Variants in FOXP1 observed in about 807,000 individuals in gnomAD.
FOXP1 encodes the protein forkhead box P1, also known as forkhead box protein P1.
In FOXP1, 15 loss-of-function variants were observed where a neutral mutation model predicts 98.2. The observed-to-expected ratio is 0.15, with a 90% CI of 0.10 to 0.24. FOXP1 has a LOEUF of 0.24. FOXP1 is among the 10% of genes least tolerant of loss of function. FOXP1 has a pLI of 1.00. For synonymous variants in FOXP1, 371 were observed against 314.5 expected, an observed-to-expected ratio of 1.18 and a Z score of -1.90; for missense variants, 633 against 848.5, an observed-to-expected ratio of 0.75 and a Z score of 3.15.
chr3:71,537,819 G>A (rs2044430248), intron 2 of FOXP1, among the ~76,000 whole-genome samples: 1 of 152,204 alleles, frequency 6.6e-6, no homozygotes, highest in South Asian at 2.1e-4. Flanking sequence ...CTTTTTACAG[G>A]CCATGAGCTG....
rs375443995 is a variant in FOXP1 at position 71,072,276 on chromosome 3, G to A, written c.283-18503C>T. On this transcript the variant is annotated intron_variant, in intron 7 of 20. Transcript: ENST00000649528. ...TGAGGTTGCAGTGAGCCCTGATCAC[G>A]TCATTGCACTGTACTCCACAGCCTG... Among the ~76,000 whole-genome samples the A allele has an allele frequency of 2.6e-5, 4 of 152,260 alleles. No individual in the cohort carries two copies. The East Asian group carries it at 5.8e-4, about 22-fold the overall frequency.
At chr3:71,466,120 G>A (rs973331750) in intron 3 of FOXP1, among the ~76,000 whole-genome samples, 1 of 152,178 alleles carries the variant, frequency 6.6e-6, no homozygotes, top group Non-Finnish European at 1.5e-5. Flanking sequence ...CCAGGCACAA[G>A]TGCGTACAGA....
At chr3:71,553,632 T>A (rs547494244) in intron 2 of FOXP1, among the ~76,000 whole-genome samples, 2 of 152,352 alleles carry the variant, frequency 1.3e-5, no homozygotes, top group South Asian at 4.1e-4. Flanking sequence ...ATTGTGTACA[T>A]ATGTATGTTC....
At chr3:71,295,094 C>G (rs1231725991) in intron 5 of FOXP1, among the ~76,000 whole-genome samples, 1 of 152,168 alleles carries the variant, frequency 6.6e-6, no homozygotes, top group Non-Finnish European at 1.5e-5. Context: ...CATGAGTGTA[C>G]TGTATGTGTG....
chr3:71,002,478 C>G (rs1170387888), intron 12 of FOXP1, among the ~76,000 whole-genome samples: 2 of 152,194 alleles, frequency 1.3e-5, no homozygotes, highest in Admixed American at 6.5e-5. Context: ...TAGAAGACCA[C>G]ACAAGGAAGC....
At position 71,457,256 on chromosome 3, in the gene FOXP1, A is replaced by G. The variant is rs111459885; in HGVS notation, c.-168+36170T>C. Among the ~76,000 whole-genome samples the G allele has an allele frequency of 4.9e-3, 752 of 152,302 alleles. 8 individuals are homozygous for G. Among genetic ancestry groups the G allele is most frequent in the African/African-American group, 0.017 (716 of 41,550 alleles). On this transcript the variant is annotated intron_variant, in intron 3 of 20. Coordinates refer to ENST00000649528, the MANE Select transcript of FOXP1 (RefSeq NM_001349338.3). ...AATAAAATCAAAGTCAGAAAAGCAA[A>G]CCTAATGAATTTATGCACACTGGAT... is the stretch of plus-strand genomic sequence containing the variant.
chr3:70,981,911 A>C (rs908810883), intron 14 of FOXP1, among the ~76,000 whole-genome samples: 2 of 152,260 alleles, frequency 1.3e-5, no homozygotes, highest in African/African-American at 4.8e-5. Context: ...TGTACACTCC[A>C]AACACAGGGT....
intron 3 of FOXP1, among the ~76,000 whole-genome samples, chr3:71,442,752 A>C (rs1034863399): frequency 6.6e-6 from 1 of 152,222 alleles, no homozygotes; most frequent in Non-Finnish European, 1.5e-5. Context: ...AAAACCAGGG[A>C]GAAGGGGATT....
rs756844328 is a variant in FOXP1, at chr3:71,198,283, C to A, written c.99G>T (p.Arg33=). ...SNHLLECGGL[R]EGRSNGETPA... ...GCGTCTCTCCGTTGGACCGCCCCTC[C>A]CGAAGACCGCCGCACTCTAGTAAGT... Residue 33 remains arginine (R), a synonymous_variant, in exon 6 of 21, where the codon CGG becomes CGT. Coordinates refer to ENST00000649528, the MANE Select transcript of FOXP1 (RefSeq NM_001349338.3). 3 of 1,614,086 alleles carry A rather than the reference C, an allele frequency of 1.9e-6. No homozygotes were observed. The African/African-American group carries it at 4.0e-5, about 22-fold the overall frequency.
chr3:71,524,674 G>T (rs1048314071), intron 2 of FOXP1, among the ~76,000 whole-genome samples: 1 of 152,056 alleles, frequency 6.6e-6, no homozygotes, highest in Non-Finnish European at 1.5e-5. Context: ...TTTACATGCA[G>T]GCTAGGAAGA....
intron 6 of FOXP1, among the ~76,000 whole-genome samples, chr3:71,145,446 G>A (rs1426596852): frequency 1.3e-5 from 2 of 152,106 alleles, no homozygotes; most frequent in East Asian, 3.9e-4. Flanking sequence ...CTGAGGCTGA[G>A]GCAGAAGAAT....
At chr3:71,316,660 CTTT>C (rs1261668332) in intron 4 of FOXP1, among the ~76,000 whole-genome samples, 7 of 139,716 alleles carry the variant, frequency 5.0e-5, no homozygotes, top group Admixed American at 7.2e-5. Flanking sequence ...AGGGCATATT[CTTT>C]TTTTTTTTTT....
chr3:71,447,736 T>C (rs980769306), intron 3 of FOXP1, among the ~76,000 whole-genome samples: 16 of 152,120 alleles, frequency 1.1e-4, no homozygotes, highest in African/African-American at 3.6e-4. Context: ...AATCTGGCCT[T>C]TTTCATATAT....
intron 5 of FOXP1, among the ~76,000 whole-genome samples, chr3:71,242,522 T>C (rs2067370907): frequency 6.6e-6 from 1 of 152,230 alleles, no homozygotes; most frequent in Non-Finnish European, 1.5e-5. Context: ...ATTTCGTATA[T>C]GTGAAACCAG....
intron 2 of FOXP1, chr3:71,580,718 T>C (rs1290896517): frequency 1.1e-6 from 1 of 929,170 alleles, no homozygotes; most frequent in Non-Finnish European, 1.3e-6. Context: ...GCAGCGATTC[T>C]TCAATATATT....
At chr3:70,967,639 CTTTT>C in intron 19 of FOXP1, among the ~76,000 whole-genome samples, 1 of 81,556 alleles carries the variant, frequency 1.2e-5, no homozygotes, top group South Asian at 3.7e-4. Flanking sequence ...TTCTTTCTTT[CTTTT>C]TGTTTTTTTT....
At chr3:71,152,927 C>G (rs1208068759) in intron 6 of FOXP1, among the ~76,000 whole-genome samples, 1 of 152,154 alleles carries the variant, frequency 6.6e-6, no homozygotes, top group Non-Finnish European at 1.5e-5. Flanking sequence ...CTTACAGAGT[C>G]TTTGCTTAAT....
rs73838149 is a variant in FOXP1, at chr3:71,069,040, A to C, written c.283-15267T>G. Among the ~76,000 whole-genome samples, 905 of 152,352 alleles carry C rather than the reference A, an allele frequency of 5.9e-3. 15 individuals are homozygous for C. Among genetic ancestry groups the C allele is most frequent in the African/African-American group, 0.021 (868 of 41,572 alleles). On this transcript the variant is annotated intron_variant, in intron 7 of 20. Transcript: ENST00000649528. The stretch of plus-strand genomic sequence containing the variant: ...CCATCTACAGGGAGCTAAGGCAGTT[A>C]GCTCCATATTGATATTGTTTATGTC...
At chr3:71,424,399 C>T (rs2083933419) in intron 3 of FOXP1, among the ~76,000 whole-genome samples, 1 of 152,146 alleles carries the variant, frequency 6.6e-6, no homozygotes, top group South Asian at 2.1e-4. Flanking sequence ...CCCACCATAA[C>T]CTTGCAATGT....
Sources: allele counts gnomAD v4.1 joint callset (sites outside exome capture counted in the v4.1 genomes callset), GRCh38; gene constraint gnomAD v4.1.1; transcripts MANE v1.5; gene names NCBI Gene and HGNC (gene_info 2026-07-23, HGNC 2026-07-21).